Variants in FBXW2 observed in about 807,000 individuals in gnomAD.
FBXW2 encodes the protein F-box/WD repeat-containing protein 2.
FBXW2 carries 12 observed loss-of-function variants against 46.0 expected under a neutral mutation model. That is an observed-to-expected ratio of 0.26 (90% confidence interval 0.17 to 0.42). FBXW2 has a LOEUF of 0.42. Among genes scored for constraint, FBXW2 ranks in the 10% least tolerant of loss-of-function variants. The pLI is 1.00. For missense variants in FBXW2, 360 were observed against 537.0 expected (o/e 0.67, Z 3.26); for synonymous variants, 203 against 209.6 (o/e 0.97, Z 0.27).
At chr9:120,777,052 G>C (rs1380513380) in intron 4 of FBXW2, among the ~76,000 whole-genome samples, 1 of 152,006 alleles carries the variant, frequency 6.6e-6, no homozygotes, top group African/African-American at 2.4e-5. Context: ...ATCAAGGAAA[G>C]AAAAAAGAAT....
rs939470703 is a variant in FBXW2 at position 120,772,666 on chromosome 9, A to C, written c.906+88T>G. ...AAGACACTCCCCCTCCTCTTCCTAG[A>C]ATGTTCACCCTTTGCCATACCACTT... On this transcript the variant is annotated intron_variant, in intron 6 of 7. Transcript: ENST00000608872. 4 of 820,696 alleles carry C rather than the reference A, an allele frequency of 4.9e-6. No homozygotes were observed. In the Admixed American group the frequency reaches 1.3e-4, roughly 27 times the overall value. 50.8% of individuals were successfully genotyped at this position (820,696 alleles called of 1,614,324 possible).
In FBXW2 at chr9:120,791,080, T is replaced by C. The variant is rs1177940953; in HGVS notation, c.-21+2069A>G. On this transcript the variant is annotated intron_variant, in intron 2 of 7. Coordinates refer to ENST00000608872, the MANE Select transcript of FBXW2 (RefSeq NM_012164.4). Reference sequence around the variant, plus strand: ...AAAGCAAGTCTCACTAACTGCAGAATGCACTATTTAAAAAACACCAATTTT... The same window carrying C: ...AAAGCAAGTCTCACTAACTGCAGAACGCACTATTTAAAAAACACCAATTTT... Among the ~76,000 whole-genome samples, 3 of 152,208 alleles carry C rather than the reference T, an allele frequency of 2.0e-5. No individual in the cohort carries two copies. In the East Asian group the frequency reaches 5.8e-4, roughly 29 times the overall value.
chr9:120,768,387 T>G (rs2044312124), intron 7 of FBXW2, among the ~76,000 whole-genome samples: 1 of 152,204 alleles, frequency 6.6e-6, no homozygotes, highest in Non-Finnish European at 1.5e-5. Context: ...GATCGGTAAT[T>G]TCCCTGAGTT....
chr9:120,787,167 T>G (rs1421673715), intron 3 of FBXW2, among the ~76,000 whole-genome samples: 1 of 152,210 alleles, frequency 6.6e-6, no homozygotes, highest in Non-Finnish European at 1.5e-5. Flanking sequence ...TAGCTGGGAT[T>G]ATAGGCGCAT....
intron 3 of FBXW2, among the ~76,000 whole-genome samples, chr9:120,782,718 C>T (rs2044641900): frequency 1.3e-5 from 2 of 151,904 alleles, no homozygotes; most frequent in Non-Finnish European, 2.9e-5. Flanking sequence ...GGCACACACA[C>T]GTAGTCCCAG....
At position 120,763,730 on chromosome 9, in the gene FBXW2, C is replaced by T. The variant is rs1244520420; in HGVS notation, c.*829G>A. ...AGAAAGAATCTTAGAAATCACTGAG[C>T]TTCATACCTGGCTGTACAGACAAGG... On this transcript the variant is annotated 3_prime_UTR_variant, in exon 8 of 8. Coordinates refer to ENST00000608872, the MANE Select transcript of FBXW2 (RefSeq NM_012164.4). 1 of 152,208 alleles carries T rather than the reference C, an allele frequency of 6.6e-6. No homozygotes were observed. The highest frequency in any genetic ancestry group is 1.9e-4 in the East Asian group (1 of 5,198). 9.4% of individuals were successfully genotyped at this position (152,208 alleles called of 1,614,324 possible).
chr9:120,787,118 T>C (rs954644933), intron 3 of FBXW2, among the ~76,000 whole-genome samples: 1 of 152,176 alleles, frequency 6.6e-6, no homozygotes, highest in Non-Finnish European at 1.5e-5. Context: ...AACCTCCGCC[T>C]CCCGGGTTCA....
Position 120,764,797 on chromosome 9 carries a change from T to A in FBXW2, c.1127A>T (p.Asp376Val). 6.2e-7 allele frequency: 1 copy of A among 1,608,332 alleles called. No homozygotes were observed. Among genetic ancestry groups the A allele is most frequent in the Non-Finnish European group, 8.5e-7 (1 of 1,175,726 alleles). ...IANLALLGFG[D>V]IFALLFDNRY... Reference sequence around the variant, plus strand: ...GTTGTCAAACAGCAGGGCAAAGATATCTCCAAAGCCAAGCAAGGCCAAGTT... The same window carrying A: ...GTTGTCAAACAGCAGGGCAAAGATAACTCCAAAGCCAAGCAAGGCCAAGTT... The change falls in exon 8 of 8, where the codon GAT (aspartate) becomes GTT (valine). Residue 376 changes from aspartate (D) to valine (V), a missense_variant. Physicochemically the swap from Asp to Val is radical, Grantham distance 152. Coordinates refer to ENST00000608872, the MANE Select transcript of FBXW2 (RefSeq NM_012164.4).
intron 7 of FBXW2, among the ~76,000 whole-genome samples, chr9:120,769,820 T>G (rs961941723): frequency 6.6e-6 from 1 of 152,236 alleles, no homozygotes; most frequent in Non-Finnish European, 1.5e-5. Context: ...TGTCTCAGCT[T>G]CAGTTTCCCT....
chr9:120,764,564 C>T lies in FBXW2; in HGVS notation c.1360G>A (p.Gly454Ser), dbSNP rs201768381. 6.2e-6 allele frequency: 10 copies of T among 1,611,716 alleles called. 1 individual carries two copies. The highest frequency in any genetic ancestry group is 4.4e-5 in the South Asian group (4 of 91,006). Reference protein sequence around the residue: ...SIHLVLWKEHG With the variant: ...SIHLVLWKEHS The stretch of plus-strand genomic sequence containing the variant: ...AGCGGTGGTGGCTCATGGTGTCAGC[C>T]GTGCTCCTTCCACAACACCAGGTGA... Residue 454 changes from glycine to serine, a missense_variant, in exon 8 of 8, where the codon GGC (glycine) becomes AGC (serine). Physicochemically the swap from Gly to Ser is moderately conservative, Grantham distance 56 (BLOSUM62 0). Coordinates refer to ENST00000608872, the MANE Select transcript of FBXW2 (RefSeq NM_012164.4).
intron 5 of FBXW2, among the ~76,000 whole-genome samples, chr9:120,773,332 G>A (rs935082645): frequency 1.3e-5 from 2 of 152,170 alleles, no homozygotes; most frequent in East Asian, 1.9e-4. Context: ...AGACACTGAC[G>A]TAGATGCAAA....
At chr9:120,779,702 C>T (rs572321917) in intron 3 of FBXW2, among the ~76,000 whole-genome samples, 1 of 152,260 alleles carries the variant, frequency 6.6e-6, no homozygotes, top group South Asian at 2.1e-4. Context: ...ACTTGGGGAA[C>T]ATCTGAGGCA....
intron 3 of FBXW2, among the ~76,000 whole-genome samples, chr9:120,781,036 C>CA (rs776751730): frequency 0.033 from 3,560 of 108,720 alleles, 97 homozygotes; most frequent in African/African-American, 0.089. Context: ...AATATCATGG[C>CA]AAAAAAAAAA....
chr9:120,781,860 T>C (rs2044621522), intron 3 of FBXW2, among the ~76,000 whole-genome samples: 1 of 151,468 alleles, frequency 6.6e-6, no homozygotes, highest in Non-Finnish European at 1.5e-5. Context: ...CCATCTCTAA[T>C]AAAAATACAA....
At chr9:120,777,731 A>T (rs2044528095) in intron 4 of FBXW2, among the ~76,000 whole-genome samples, 1 of 149,888 alleles carries the variant, frequency 6.7e-6, no homozygotes, top group African/African-American at 2.5e-5. Flanking sequence ...CCAAAAAAAA[A>T]GCAACAGAGA....
intron 5 of FBXW2, 42 bp from the exon 6 acceptor site, chr9:120,772,882 T>G (rs1287641141): frequency 7.8e-7 from 1 of 1,287,240 alleles, no homozygotes; most frequent in African/African-American, 1.5e-5. Context: ...CTTTTAATGC[T>G]GCTCCTATAA....
chr9:120,778,315 C>A, intron 4 of FBXW2, 36 bp downstream of exon 4: 1 of 1,580,556 alleles, frequency 6.3e-7, no homozygotes. Flanking sequence ...AAGGATGAGG[C>A]TAAGTTGTAA....
In FBXW2 at chr9:120,763,213, CTA is replaced by C. The variant is rs2131268409; in HGVS notation, c.*1344_*1345del. 1 of 152,308 alleles carries C rather than the reference CTA, an allele frequency of 6.6e-6. No homozygotes were observed. Among genetic ancestry groups the C allele is most frequent in the Non-Finnish European group, 1.5e-5 (1 of 68,026 alleles). 9.4% of individuals were successfully genotyped at this position (152,308 alleles called of 1,614,324 possible). On this transcript the variant is annotated 3_prime_UTR_variant, in exon 8 of 8. Coordinates refer to ENST00000608872, the MANE Select transcript of FBXW2 (RefSeq NM_012164.4). ...GACAAAACAGAGCTGAATAACTGCCCTATTAGATCAACTTTCCAGGGGACAGC... is the reference window on the plus strand; with the variant it reads ...GACAAAACAGAGCTGAATAACTGCCCTTAGATCAACTTTCCAGGGGACAGC...
At position 120,762,380 on chromosome 9, in the gene FBXW2, C is replaced by T. The variant is rs1255003955; in HGVS notation, c.*2179G>A. ...AATAATAAAGTAAAAAGTCATTTAC[C>T]ATCATCATTGCCCAAAGTCTCCTGG... On this transcript the variant is annotated 3_prime_UTR_variant, in exon 8 of 8. Coordinates refer to ENST00000608872, the MANE Select transcript of FBXW2 (RefSeq NM_012164.4). 1 of 151,974 alleles carries T rather than the reference C, an allele frequency of 6.6e-6. No individual in the cohort carries two copies. The highest frequency in any genetic ancestry group is 1.5e-5 in the Non-Finnish European group (1 of 68,018). 9.4% of individuals were successfully genotyped at this position (151,974 alleles called of 1,614,324 possible). A position where few individuals can be genotyped will look rare whatever the true frequency, so the allele number is the denominator to read the frequency against.
Sources: gnomAD v4.1 joint callset for allele counts (sites outside exome capture counted in the v4.1 genomes callset) on GRCh38, gnomAD v4.1.1 for gene constraint, MANE v1.5 for transcripts, NCBI Gene and HGNC (gene_info 2026-07-23, HGNC 2026-07-21) for gene names.